The following SLC7A9 variants were observed in gnomAD, a reference collection of about 807,000 sequenced individuals.
SLC7A9 encodes solute carrier family 7 member 9.
A neutral mutation model predicts 54.1 loss-of-function variants in SLC7A9; 38 were observed. The observed-to-expected ratio is 0.70, with a 90% CI of 0.54 to 0.92. SLC7A9 has a LOEUF of 0.92. SLC7A9 is among the 40% of genes least tolerant of loss of function. SLC7A9 has a pLI of 0.00. For missense variants in SLC7A9, 537 were observed against 636.1 expected (o/e 0.84, Z 1.68); for synonymous variants, 264 against 258.9 (o/e 1.02, Z -0.19).
intron 9 of SLC7A9, among the ~76,000 whole-genome samples, chr19:32,853,049 G>T (rs7250935): frequency 0.46 from 70,277 of 151,472 alleles, 17,414 homozygotes; most frequent in East Asian, 0.72. Flanking sequence ...GAGTAGCTGG[G>T]ATTATAGGCG....
At chr19:32,855,274 C>A (rs1367363986) in intron 9 of SLC7A9, among the ~76,000 whole-genome samples, 2 of 152,076 alleles carry the variant, frequency 1.3e-5, no homozygotes, top group Non-Finnish European at 2.9e-5. Context: ...GCTGGTGGGA[C>A]CAAGGGAAAG....
chr19:32,862,482 C>T lies in SLC7A9; in HGVS notation c.583G>A (p.Gly195Arg), dbSNP rs121908482. The change falls in exon 5 of 13, where the codon GGG becomes AGG. Residue 195 changes from glycine to arginine, a missense_variant. By Grantham distance (125) the Gly-to-Arg change is moderately radical. Coordinates refer to ENST00000023064, the MANE Select transcript of SLC7A9 (RefSeq NM_014270.5). The part of the protein sequence containing the change: ...LVIVAIIIIS[G>R]LVLLAQGNTK... ...TCACCTTGGGCCAGGAGCACCAGCC[C>T]GCTGATGATGATGATGGCCACGATC... The T allele has an allele frequency of 8.7e-6, 14 of 1,613,150 alleles. No homozygotes were observed. Among genetic ancestry groups the T allele is most frequent in the Admixed American group, 1.7e-5 (1 of 59,992 alleles).
intron 11 of SLC7A9, among the ~76,000 whole-genome samples, chr19:32,841,542 A>G (rs557332013): frequency 5.9e-5 from 9 of 152,164 alleles, no homozygotes; most frequent in Non-Finnish European, 1.2e-4. Flanking sequence ...CCTAGGCAAC[A>G]CAGTGAGACC....
rs1967852988 is a variant in SLC7A9, at chr19:32,833,096, C to T, written c.1399+53G>A. On this transcript the variant is annotated intron_variant, in intron 12 of 12. Transcript: ENST00000023064. ...CTTGGAGTCAGGACAGGTGAGGACG[C>T]CGTGCCTGCCTGCACCTCACAGAGG... is the stretch of plus-strand genomic sequence containing the variant. 1.4e-5 allele frequency: 21 copies of T among 1,553,126 alleles called. No homozygotes were observed. The South Asian group carries it at 1.9e-4, about 14-fold the overall frequency.
At chr19:32,837,729 A>G (rs898247190) in intron 11 of SLC7A9, among the ~76,000 whole-genome samples, 1 of 152,084 alleles carries the variant, frequency 6.6e-6, no homozygotes, top group Non-Finnish European at 1.5e-5. Flanking sequence ...GTACGCCTAC[A>G]CGTGGCTTTC....
At chr19:32,852,478 C>T (rs752448433) in intron 9 of SLC7A9, among the ~76,000 whole-genome samples, 5 of 151,928 alleles carry the variant, frequency 3.3e-5, no homozygotes, top group African/African-American at 9.7e-5. Context: ...TGGGCGACAG[C>T]GAGACCCTGT....
rs559301529 is a variant in SLC7A9, at chr19:32,861,966, G to A, written c.704+152C>T. 76 of 705,158 alleles carry A rather than the reference G, an allele frequency of 1.1e-4. 1 individual carries two copies. The highest frequency in any genetic ancestry group is 9.2e-4 in the South Asian group (59 of 63,822). 43.7% of individuals were successfully genotyped at this position (705,158 alleles called of 1,614,324 possible). ...CAGGGAATAAAGGGGAGAGGTTGTC[G>A]CATCCTTCACAAAAAGGAAATGTGA... On this transcript the variant is annotated intron_variant, in intron 6 of 12. Transcript: ENST00000023064.
chr19:32,837,627 CCAAA>C (rs559468200), intron 11 of SLC7A9, among the ~76,000 whole-genome samples: 151 of 152,026 alleles, frequency 9.9e-4, no homozygotes, highest in South Asian at 1.7e-3. Context: ...TTTTTGGTGA[CCAAA>C]CAGTTAACAT....
At chr19:32,833,381 A>T (rs1312114803) in intron 11 of SLC7A9, 58 bp from the exon 12 acceptor site, 2 of 1,527,374 alleles carry the variant, frequency 1.3e-6, no homozygotes, top group African/African-American at 1.4e-5. Context: ...TTTCATGATA[A>T]AAAACCGATT....
chr19:32,860,890 G>A (rs1025228673), intron 6 of SLC7A9, among the ~76,000 whole-genome samples: 12 of 152,282 alleles, frequency 7.9e-5, no homozygotes, highest in South Asian at 4.1e-4. Flanking sequence ...GGAATCACAC[G>A]GATTTTCAAG....
Position 32,868,637 on chromosome 19 carries a change from G to T in SLC7A9, c.-103C>A. 2 of 950,944 alleles carry T rather than the reference G, an allele frequency of 2.1e-6. No individual in the cohort carries two copies. The highest frequency in any genetic ancestry group is 3.4e-6 in the Non-Finnish European group (2 of 583,490). 58.9% of individuals were successfully genotyped at this position (950,944 alleles called of 1,614,324 possible). On this transcript the variant is annotated 5_prime_UTR_variant, in exon 2 of 13. Transcript: ENST00000023064. ...CAAGTGCAAGCTCGGCCTGGACTAG[G>T]GGAGCTGGCTGCAAAAGCACAGTGT...
chr19:32,865,800 G>A (rs529215570), intron 2 of SLC7A9, among the ~76,000 whole-genome samples: 22 of 152,016 alleles, frequency 1.4e-4, no homozygotes, highest in Non-Finnish European at 8.8e-5. Context: ...GAGAAACCCC[G>A]TTTCTACTAA....
chr19:32,858,471 C>T lies in SLC7A9; in HGVS notation c.946G>A (p.Ala316Thr). 1 of 1,613,556 alleles carries T rather than the reference C, an allele frequency of 6.2e-7. No individual in the cohort carries two copies. Among genetic ancestry groups the T allele is most frequent in the Non-Finnish European group, 8.5e-7 (1 of 1,179,958 alleles). Reference protein sequence around the residue: ...PLFVAFSTIGAANGTCFTAGR... With the variant: ...PLFVAFSTIGTANGTCFTAGR... ...GCTGTGAAGCAGGTCCCGTTAGCAG[C>T]ACCGATGGTTGAAAATGCCACAAAA... Residue 316 changes from alanine to threonine, a missense_variant, in exon 9 of 13, where the codon GCT (alanine) becomes ACT (threonine). Ala to Thr is a moderately conservative substitution (Grantham distance 58, BLOSUM62 0). Transcript: ENST00000023064.
rs150110461 is a variant in SLC7A9, at chr19:32,867,781, C to A, written c.87+667G>T. On this transcript the variant is annotated intron_variant, in intron 2 of 12. Transcript: ENST00000023064. The stretch of plus-strand genomic sequence containing the variant: ...CCAATATGGTGAAACCTCGTCTCTA[C>A]TGAAAATACAAAAATTAGCCAGGCG... Among the ~76,000 whole-genome samples, 438 of 151,410 alleles carry A rather than the reference C, an allele frequency of 2.9e-3. 3 individuals are homozygous for A. The highest frequency in any genetic ancestry group is 9.9e-3 in the African/African-American group (408 of 41,238).
At chr19:32,850,914 G>A (rs1172591008) in intron 9 of SLC7A9, among the ~76,000 whole-genome samples, 1 of 152,134 alleles carries the variant, frequency 6.6e-6, no homozygotes, top group African/African-American at 2.4e-5. Flanking sequence ...ACAAAAACAA[G>A]CAATGGGGAA....
chr19:32,864,020 G>T, intron 4 of SLC7A9, 76 bp downstream of exon 4: 1 of 1,604,360 alleles, frequency 6.2e-7, no homozygotes, highest in Non-Finnish European at 8.5e-7. Context: ...TCACTGGGGA[G>T]GAGCTGAGGG....
intron 9 of SLC7A9, among the ~76,000 whole-genome samples, chr19:32,846,429 C>T (rs1968297604): frequency 6.6e-6 from 1 of 152,226 alleles, no homozygotes; most frequent in South Asian, 2.1e-4. Flanking sequence ...GCTAGCACAG[C>T]AGTCTGAGAT....
intron 9 of SLC7A9, among the ~76,000 whole-genome samples, chr19:32,847,261 C>T (rs1968326134): frequency 6.6e-6 from 1 of 152,058 alleles, no homozygotes; most frequent in Non-Finnish European, 1.5e-5. Context: ...AAATTCAAAC[C>T]AATGGCAAAG....
intron 9 of SLC7A9, among the ~76,000 whole-genome samples, chr19:32,855,474 C>A (rs925348956): frequency 6.6e-6 from 1 of 152,048 alleles, no homozygotes; most frequent in Non-Finnish European, 1.5e-5. Context: ...CCAAGGCGGG[C>A]GGATCACGAG....
Sources: gnomAD v4.1 joint callset for allele counts (sites outside exome capture counted in the v4.1 genomes callset) on GRCh38, gnomAD v4.1.1 for gene constraint, MANE v1.5 for transcripts, NCBI Gene and HGNC (gene_info 2026-07-23, HGNC 2026-07-21) for gene names.